The following NYAP2 variants were observed in gnomAD, a reference collection of about 807,000 sequenced individuals.
NYAP2 encodes the protein neuronal tyrosine-phosphorylated phosphoinositide-3-kinase adapter 2.
NYAP2 carries 23 observed loss-of-function variants against 50.4 expected under a neutral mutation model. The observed-to-expected ratio is 0.46, with a 90% CI of 0.33 to 0.65. The LOEUF (loss-of-function observed/expected upper bound fraction) is 0.65, where lower values mean the gene tolerates loss of function less well. Among genes scored for constraint, NYAP2 ranks in the 30% least tolerant of loss-of-function variants. The pLI is 0.02. For synonymous variants in NYAP2, 394 were observed against 365.2 expected, an observed-to-expected ratio of 1.08 and a Z score of -0.90; for missense variants, 885 against 861.0, an observed-to-expected ratio of 1.03 and a Z score of -0.35.
At chr2:225,457,515 C>A (rs1207368513) in intron 3 of NYAP2, among the ~76,000 whole-genome samples, 2 of 152,132 alleles carry the variant, frequency 1.3e-5, no homozygotes, top group Non-Finnish European at 2.9e-5. Context: ...TGCTACTGTA[C>A]ATAGTATCAA....
the NYAP2 span, among the ~76,000 whole-genome samples, chr2:225,694,952 A>G: frequency 6.6e-6 from 1 of 151,844 alleles, no homozygotes; most frequent in Non-Finnish European, 1.5e-5. Flanking sequence ...TCTGAAAAAA[A>G]AAGTTATTTT....
At chr2:225,550,661 G>A (rs550672182) in intron 4 of NYAP2, among the ~76,000 whole-genome samples, 40 of 152,236 alleles carry the variant, frequency 2.6e-4, no homozygotes, top group Middle Eastern at 3.4e-3. Context: ...ATTATGGGAG[G>A]AATGAAACCA....
chr2:225,433,735 T>C (rs1457714175), intron 3 of NYAP2, among the ~76,000 whole-genome samples: 3 of 136,476 alleles, frequency 2.2e-5, no homozygotes, highest in Admixed American at 1.8e-4. Flanking sequence ...GAGAATGGCG[T>C]GAACCCGGGA....
chr2:225,493,378 C>T (rs1690443692), intron 3 of NYAP2, among the ~76,000 whole-genome samples: 1 of 152,190 alleles, frequency 6.6e-6, no homozygotes, highest in Admixed American at 6.5e-5. Flanking sequence ...TTCACTGCCT[C>T]AGCAAGAAGC....
At chr2:225,471,231 C>T (rs951801365) in intron 3 of NYAP2, among the ~76,000 whole-genome samples, 3 of 152,250 alleles carry the variant, frequency 2.0e-5, no homozygotes, top group East Asian at 3.9e-4. Flanking sequence ...ATTTAAAATC[C>T]AGTCCTGAAC....
chr2:225,651,661 T>C, exon 7 of NYAP2: 1 of 1,355,490 alleles, frequency 7.4e-7, no homozygotes, highest in East Asian at 2.3e-5. Context: ...TATGTGTGTA[T>C]GGGTTAGGGG....
At chr2:225,638,291 G>T (rs1326435882) in intron 6 of NYAP2, among the ~76,000 whole-genome samples, 2 of 151,720 alleles carry the variant, frequency 1.3e-5, no homozygotes, top group Non-Finnish European at 2.9e-5. Context: ...TCCAGCAGTG[G>T]AAAGTCAAAT....
At chr2:225,439,615 C>T (rs965208032) in intron 3 of NYAP2, among the ~76,000 whole-genome samples, 2 of 151,962 alleles carry the variant, frequency 1.3e-5, no homozygotes, top group Non-Finnish European at 2.9e-5. Flanking sequence ...TTGAAGATGT[C>T]CAGAATGATG....
intron 6 of NYAP2, among the ~76,000 whole-genome samples, chr2:225,631,403 T>C (rs748676450): frequency 1.3e-4 from 20 of 152,176 alleles, no homozygotes; most frequent in Non-Finnish European, 2.6e-4. Context: ...ATGACATACA[T>C]ATTTTTAGTA....
the NYAP2 span, among the ~76,000 whole-genome samples, chr2:225,665,393 T>A: frequency 6.6e-6 from 1 of 152,120 alleles, no homozygotes; most frequent in South Asian, 2.1e-4. Flanking sequence ...GACAAACAGC[T>A]GTTCACTACT....
intron 3 of NYAP2, among the ~76,000 whole-genome samples, chr2:225,410,427 T>G (rs955659395): frequency 1.3e-5 from 2 of 149,940 alleles, no homozygotes; most frequent in African/African-American, 2.4e-5. Context: ...TCTTAGGACA[T>G]TTTTTTTTTC....
intron 3 of NYAP2, among the ~76,000 whole-genome samples, chr2:225,437,280 AG>A (rs934229820): frequency 6.6e-6 from 1 of 152,104 alleles, no homozygotes; most frequent in Non-Finnish European, 1.5e-5. Context: ...TAAGCTTTGG[AG>A]GACTCAGTAT....
At chr2:225,535,790 T>G (rs1426644211) in intron 4 of NYAP2, among the ~76,000 whole-genome samples, 1 of 152,144 alleles carries the variant, frequency 6.6e-6, no homozygotes, top group African/African-American at 2.4e-5. Context: ...AGTGGAACAG[T>G]TGGTAAATAG....
chr2:225,429,922 A>G (rs936332061), intron 3 of NYAP2, among the ~76,000 whole-genome samples: 14 of 152,320 alleles, frequency 9.2e-5, no homozygotes, highest in African/African-American at 3.1e-4. Context: ...AAAGAGCTTC[A>G]CGGGCTCTTA....
the NYAP2 span, among the ~76,000 whole-genome samples, chr2:225,660,999 A>G: frequency 2.2e-4 from 33 of 152,200 alleles, no homozygotes; most frequent in Non-Finnish European, 1.5e-5. Context: ...CCCTTAATTC[A>G]ACCTGAGTTT....
intron 5 of NYAP2, among the ~76,000 whole-genome samples, chr2:225,607,811 T>C (rs1692814482): frequency 6.6e-6 from 1 of 152,108 alleles, no homozygotes; most frequent in Admixed American, 6.6e-5. Flanking sequence ...ACAGGGGCCT[T>C]AGAGAACTGT....
chr2:225,627,873 C>G (rs892254500), intron 6 of NYAP2, among the ~76,000 whole-genome samples: 1 of 152,174 alleles, frequency 6.6e-6, no homozygotes, highest in African/African-American at 2.4e-5. Flanking sequence ...AATCAAGGAA[C>G]CTCCTGTAGT....
intron 4 of NYAP2, among the ~76,000 whole-genome samples, chr2:225,548,086 T>C (rs1027231955): frequency 1.3e-5 from 2 of 152,036 alleles, no homozygotes; most frequent in African/African-American, 4.8e-5. Flanking sequence ...TACAAACTAA[T>C]TTTTACCATT....
In NYAP2 at chr2:225,573,240, A is replaced by G. The variant is rs1043782203; in HGVS notation, c.524-8701A>G. Among the ~76,000 whole-genome samples the G allele has an allele frequency of 3.5e-5, 5 of 144,886 alleles. No individual in the cohort carries two copies. In the East Asian group the frequency reaches 1.0e-3, roughly 29 times the overall value. On this transcript the variant is annotated intron_variant, in intron 4 of 6. Transcript: ENST00000636099. ...TACCATGGCTTAGAACAACAACAAC[A>G]TTATTATTTCTTTTTTTTTTTTTTT...
Sources: allele counts gnomAD v4.1 joint callset (sites outside exome capture counted in the v4.1 genomes callset), GRCh38; gene constraint gnomAD v4.1.1; transcripts MANE v1.5; gene names NCBI Gene and HGNC (gene_info 2026-07-23, HGNC 2026-07-21).